Variants in CDH4 observed in about 807,000 individuals in gnomAD.
The protein encoded by CDH4 is cadherin 4, also known as cadherin-4.
In CDH4, 33 loss-of-function variants were observed where a neutral mutation model predicts 86.0. That is an observed-to-expected ratio of 0.38 (90% CI 0.29 to 0.51). CDH4 has a LOEUF of 0.51. Ranked by LOEUF, CDH4 falls within the 20% of genes least tolerant of loss-of-function variation. CDH4 has a pLI of 0.86. For missense variants in CDH4, 1,114 were observed against 1,307.4 expected, an observed-to-expected ratio of 0.85 and a Z score of 2.28; for synonymous variants, 555 against 549.4, an observed-to-expected ratio of 1.01 and a Z score of -0.14.
intron 12 of CDH4, 38 bp from the exon 13 acceptor site, chr20:61,929,571 C>T (rs188942245): frequency 9.3e-5 from 141 of 1,515,098 alleles, no homozygotes; most frequent in Middle Eastern, 3.4e-4. Context: ...AAGCGAGGGC[C>T]GGGCTCTGGT....
rs886101172 is a variant in CDH4 at position 61,544,648 on chromosome 20, T to C, written c.170-198915T>C. Among the ~76,000 whole-genome samples the C allele has an allele frequency of 3.3e-5, 5 of 151,964 alleles. No individual in the cohort carries two copies. Among genetic ancestry groups the C allele is most frequent in the Non-Finnish European group, 7.4e-5 (5 of 68,004 alleles). On this transcript the variant is annotated intron_variant, in intron 2 of 15. Transcript: ENST00000614565. The surrounding 1 kb of genome is among the most constrained non-coding windows in gnomAD (Gnocchi z 6.5). The stretch of plus-strand genomic sequence containing the variant: ...CCCACCAGACCCCACGCTGCTCTAC[T>C]CCGCACCGGCCCCCCTGCCTGTACT...
intron 2 of CDH4, among the ~76,000 whole-genome samples, chr20:61,477,477 G>T (rs893933606): frequency 6.6e-6 from 1 of 152,240 alleles, no homozygotes; most frequent in Non-Finnish European, 1.5e-5. Flanking sequence ...ATGATGGGTA[G>T]CTGCAGGGAT....
Position 61,766,318 on chromosome 20 carries a change from C to T in CDH4, c.397-6685C>T, listed in dbSNP as rs73306158. ...TAAGGGTTGTGGGACACCCCGAGTTCGCCTGCCCCCCAGCCCTAGCCCCTG... is the reference window on the plus strand; with the variant it reads ...TAAGGGTTGTGGGACACCCCGAGTTTGCCTGCCCCCCAGCCCTAGCCCCTG... On this transcript the variant is annotated intron_variant, in intron 3 of 15. Transcript: ENST00000614565. Among the ~76,000 whole-genome samples, 1,008 of 152,198 alleles carry T rather than the reference C, an allele frequency of 6.6e-3. 15 individuals carry two copies. Among genetic ancestry groups the T allele is most frequent in the African/African-American group, 0.023 (953 of 41,532 alleles).
intron 2 of CDH4, among the ~76,000 whole-genome samples, chr20:61,337,497 A>T (rs571866738): frequency 5.9e-5 from 9 of 151,992 alleles, no homozygotes; most frequent in African/African-American, 2.2e-4. Context: ...AATGACAATG[A>T]TAAAAACGGA....
intron 2 of CDH4, among the ~76,000 whole-genome samples, chr20:61,585,975 TGTG>T (rs2086468188): frequency 2.2e-5 from 2 of 89,568 alleles, no homozygotes; most frequent in South Asian, 4.4e-4. Context: ...ATGGTGATGA[TGTG>T]ATGATGATGG....
intron 2 of CDH4, among the ~76,000 whole-genome samples, chr20:61,654,167 A>G (rs1257264385): frequency 6.6e-6 from 1 of 152,176 alleles, no homozygotes; most frequent in African/African-American, 2.4e-5. Context: ...CTCCGTCTGC[A>G]ATCCCAGCAC....
chr20:61,359,427 A>G (rs907790188), intron 2 of CDH4, among the ~76,000 whole-genome samples: 25 of 152,326 alleles, frequency 1.6e-4, no homozygotes, highest in Admixed American at 2.6e-4. Context: ...CCCTGGGAGC[A>G]CCGCTGTGAA....
At chr20:61,350,628 T>C (rs896187331) in intron 2 of CDH4, among the ~76,000 whole-genome samples, 3 of 143,550 alleles carry the variant, frequency 2.1e-5, no homozygotes, top group African/African-American at 7.9e-5. Context: ...CCACCCAGAG[T>C]CAGGCAGATC....
intron 2 of CDH4, among the ~76,000 whole-genome samples, chr20:61,741,182 C>T (rs916165543): frequency 6.6e-6 from 1 of 152,156 alleles, no homozygotes; most frequent in African/African-American, 2.4e-5. Context: ...GCACTCCAGC[C>T]TGGGCAGCAG....
At chr20:61,804,572 A>G (rs536795352) in intron 4 of CDH4, among the ~76,000 whole-genome samples, 2 of 152,190 alleles carry the variant, frequency 1.3e-5, no homozygotes, top group Admixed American at 6.5e-5. Context: ...TCTCCTTACC[A>G]TATGGGTTCC....
chr20:61,655,827 A>G (rs570177816), intron 2 of CDH4, among the ~76,000 whole-genome samples: 3 of 152,318 alleles, frequency 2.0e-5, no homozygotes, highest in African/African-American at 7.2e-5. Flanking sequence ...GGTCACCTGT[A>G]TCACCTGCAT....
chr20:61,546,776 T>C (rs944056591), intron 2 of CDH4, among the ~76,000 whole-genome samples: 1 of 152,118 alleles, frequency 6.6e-6, no homozygotes, highest in Non-Finnish European at 1.5e-5. Flanking sequence ...CCTTTCAGGA[T>C]AGGAATCTGA....
intron 4 of CDH4, among the ~76,000 whole-genome samples, chr20:61,782,456 G>T (rs550907758): frequency 6.6e-6 from 1 of 152,322 alleles, no homozygotes; most frequent in Non-Finnish European, 1.5e-5. Flanking sequence ...CACACCTCCA[G>T]GAAGGGATGG....
intron 3 of CDH4, among the ~76,000 whole-genome samples, chr20:61,760,849 A>G (rs2088625078): frequency 1.3e-5 from 2 of 152,208 alleles, no homozygotes; most frequent in Non-Finnish European, 2.9e-5. Context: ...TCATTGATGT[A>G]AGAAAAAAAT....
At chr20:61,561,853 G>A (rs901759147) in intron 2 of CDH4, among the ~76,000 whole-genome samples, 1 of 152,260 alleles carries the variant, frequency 6.6e-6, no homozygotes, top group Non-Finnish European at 1.5e-5. Flanking sequence ...CCTTTCCTGT[G>A]CTGAAGAGCT....
chr20:61,875,107 G>A lies in CDH4; in HGVS notation c.1050+1207G>A, dbSNP rs6061876. 6.4e-3 allele frequency among the ~76,000 whole-genome samples: 970 copies of A among 152,262 alleles called. 8 individuals carry two copies. The highest frequency in any genetic ancestry group is 0.022 in the African/African-American group (905 of 41,564). On this transcript the variant is annotated intron_variant, in intron 7 of 15. Transcript: ENST00000614565. ...TGGCAGGTCCTCCTTCCAGGTTTGGGGCTGTGGGACCCCCCGGGGCCTCCA... is the reference window on the plus strand; with the variant it reads ...TGGCAGGTCCTCCTTCCAGGTTTGGAGCTGTGGGACCCCCCGGGGCCTCCA...
intron 2 of CDH4, among the ~76,000 whole-genome samples, chr20:61,571,315 C>T (rs1370023406): frequency 6.6e-6 from 1 of 152,162 alleles, no homozygotes; most frequent in Non-Finnish European, 1.5e-5. Flanking sequence ...CACTCAGGTG[C>T]GTGGCTGATG....
chr20:61,499,525 T>A, intron 2 of CDH4: 1 of 1,288,502 alleles, frequency 7.8e-7, no homozygotes, highest in Non-Finnish European at 1.0e-6. Context: ...GGCTTAGGGT[T>A]GTTTGTGGGC....
chr20:61,275,378 G>C (rs2084224068), intron 2 of CDH4, among the ~76,000 whole-genome samples: 2 of 103,604 alleles, frequency 1.9e-5, no homozygotes, highest in African/African-American at 3.9e-5. Flanking sequence ...CAGTTTGGGG[G>C]AGTACTGTGT....
Sources: allele counts gnomAD v4.1 joint callset (sites outside exome capture counted in the v4.1 genomes callset), GRCh38; gene constraint gnomAD v4.1.1; non-coding constraint Gnocchi (gnomAD v3.1); transcripts MANE v1.5; gene names NCBI Gene and HGNC (gene_info 2026-07-23, HGNC 2026-07-21).